The following CACNG8 variants were observed in gnomAD, a reference collection of about 807,000 sequenced individuals.
CACNG8 encodes the protein voltage-dependent calcium channel gamma-8 subunit.
In CACNG8, 5 loss-of-function variants were observed where a neutral mutation model predicts 26.9. That is an observed-to-expected ratio of 0.19 (90% confidence interval 0.10 to 0.39). The LOEUF (loss-of-function observed/expected upper bound fraction) is 0.39, where lower values mean the gene tolerates loss of function less well. Among genes scored for constraint, CACNG8 ranks in the 10% least tolerant of loss-of-function variants. The pLI is 1.00. For synonymous variants in CACNG8, 321 were observed against 296.7 expected, an observed-to-expected ratio of 1.08 and a Z score of -0.84; for missense variants, 473 against 609.4, an observed-to-expected ratio of 0.78 and a Z score of 2.36.
Position 53,986,754 on chromosome 19 carries a change from CTT to C in CACNG8, c.*3907_*3908del, listed in dbSNP as rs949462131. ...TAACAGAATGACAGAGCAAGGATGA[CTT>C]TAGATGAGGTCCTTGGAGTAGACCT... On this transcript the variant is annotated 3_prime_UTR_variant, in exon 4 of 4. Coordinates refer to ENST00000270458, the MANE Select transcript of CACNG8 (RefSeq NM_031895.6). 4.6e-5 allele frequency: 7 copies of C among 152,298 alleles called. No individual in the cohort carries two copies. Among genetic ancestry groups the C allele is most frequent in the African/African-American group, 1.7e-4 (7 of 41,446 alleles). The allele number at this position is 152,298 out of a possible 1,614,324, so 9.4% of individuals were successfully genotyped here.
At chr19:53,972,927 A>G (rs1194567830) in intron 1 of CACNG8, among the ~76,000 whole-genome samples, 1 of 151,818 alleles carries the variant, frequency 6.6e-6, no homozygotes, top group Non-Finnish European at 1.5e-5. Context: ...CCCATCACTC[A>G]CCCCCAATAG....
chr19:53,986,316 C>T lies in CACNG8; in HGVS notation c.*3467C>T, dbSNP rs2069407824. The stretch of plus-strand genomic sequence containing the variant: ...TCAAGAAATATTTATTGAGTGCCAA[C>T]CTGTTCTAGACCCAATCTCGGCCAG... On this transcript the variant is annotated 3_prime_UTR_variant, in exon 4 of 4. Coordinates refer to ENST00000270458, the MANE Select transcript of CACNG8 (RefSeq NM_031895.6). The T allele has an allele frequency of 6.6e-6, 1 of 152,488 alleles. No individual in the cohort carries two copies. The highest frequency in any genetic ancestry group is 1.5e-5 in the Non-Finnish European group (1 of 68,078). 9.4% of individuals were successfully genotyped at this position (152,488 alleles called of 1,614,324 possible). A position where few individuals can be genotyped will look rare whatever the true frequency, so the allele number is the denominator to read the frequency against.
chr19:53,975,897 C>T (rs771916940), intron 1 of CACNG8, among the ~76,000 whole-genome samples: 10 of 152,142 alleles, frequency 6.6e-5, no homozygotes, highest in Non-Finnish European at 8.8e-5. Context: ...TGCTATCAAC[C>T]GAGTACTTAA....
chr19:53,976,596 C>T (rs189301369), intron 1 of CACNG8, among the ~76,000 whole-genome samples: 1 of 152,342 alleles, frequency 6.6e-6, no homozygotes, highest in Admixed American at 6.5e-5. Context: ...TGCCTGTGAT[C>T]TCACCTTCTG....
chr19:53,976,893 G>T (rs747157747), intron 1 of CACNG8, among the ~76,000 whole-genome samples: 9 of 152,162 alleles, frequency 5.9e-5, no homozygotes, highest in Non-Finnish European at 1.2e-4. Context: ...GGCTGGTCTT[G>T]AACTCCCGAC....
At chr19:53,978,401 G>A (rs1428246107) in intron 2 of CACNG8, among the ~76,000 whole-genome samples, 172 bp downstream of exon 2, 1 of 152,130 alleles carries the variant, frequency 6.6e-6, no homozygotes, top group Non-Finnish European at 1.5e-5. Flanking sequence ...GTCCCCGATT[G>A]GCTGACTGAT....
At position 53,987,593 on chromosome 19, in the gene CACNG8, G is replaced by A. The variant is rs1244542762; in HGVS notation, c.*4744G>A. 6.6e-6 allele frequency: 1 copy of A among 152,358 alleles called. No homozygotes were observed. Among genetic ancestry groups the A allele is most frequent in the East Asian group, 1.9e-4 (1 of 5,174 alleles). 9.4% of individuals were successfully genotyped at this position (152,358 alleles called of 1,614,324 possible). ...GTGGTGAACTGGATGTCATAGAGGA[G>A]GGAAGGAAAAGGAACCAGGAAGAGA... On this transcript the variant is annotated 3_prime_UTR_variant, in exon 4 of 4. Transcript: ENST00000270458.
At chr19:53,978,109 G>T (rs768414260) in intron 1 of CACNG8, 37 bp from the exon 2 acceptor site, 6 of 1,389,544 alleles carry the variant, frequency 4.3e-6, no homozygotes, top group African/African-American at 2.8e-5. Context: ...CAACCCTGAA[G>T]TATCCGCCCC....
intron 2 of CACNG8, among the ~76,000 whole-genome samples, chr19:53,978,438 T>C (rs1233397764): frequency 6.6e-6 from 1 of 152,098 alleles, no homozygotes; most frequent in Non-Finnish European, 1.5e-5. Flanking sequence ...CCTCTCACCT[T>C]GGGGCGGGCT....
Position 53,982,129 on chromosome 19 carries a change from C to A in CACNG8, c.558C>A (p.Gly186=). Residue 186 remains glycine, a synonymous_variant, in exon 4 of 4, where the codon GGC becomes GGA. Coordinates refer to ENST00000270458, the MANE Select transcript of CACNG8 (RefSeq NM_031895.6). This position sits in a 1 kb window ranked among gnomAD's most constrained non-coding sequence, Gnocchi z 8.4. ...TCGTGTACATCTCCGCCAACGCGGG[C>A]GAGCCGGGCCCGAAGCGGGACGAGG... 2 of 1,609,328 alleles carry A rather than the reference C, an allele frequency of 1.2e-6. No individual in the cohort carries two copies. The highest frequency in any genetic ancestry group is 1.1e-5 in the South Asian group (1 of 90,414).
rs746550882 is a variant in CACNG8 at position 53,963,332 on chromosome 19, G to T, written c.190G>T (p.Gly64Trp). The T allele has an allele frequency of 5.0e-6, 8 of 1,599,692 alleles. No individual in the cohort carries two copies. Among genetic ancestry groups the T allele is most frequent in the African/African-American group, 2.7e-5 (2 of 74,154 alleles). ...CAACCTCACGGCCGGCGGCGACGAC[G>T]GGACCCCCCACCGCGGGGGCGGCGG... The change falls in exon 1 of 4, where the codon GGG (glycine) becomes TGG (tryptophan). Residue 64 changes from glycine to tryptophan, a missense_variant. Transcript: ENST00000270458.
Position 53,963,338 on chromosome 19 carries a change from C to A in CACNG8, c.196C>A (p.Pro66Thr). The A allele has an allele frequency of 6.3e-7, 1 of 1,598,986 alleles. No homozygotes were observed. The highest frequency in any genetic ancestry group is 8.5e-7 in the Non-Finnish European group (1 of 1,177,010). Residue 66 changes from proline to threonine, a missense_variant, in exon 1 of 4, where the codon CCC (proline) becomes ACC (threonine). Around this residue, in one of 6 missense-constraint regions of CACNG8, gnomAD observed 69 missense variants for 66.7 expected, o/e 1.03. Transcript: ENST00000270458. ...CACGGCCGGCGGCGACGACGGGACCCCCCACCGCGGGGGCGGCGGCGCCTC... is the reference window on the plus strand; with the variant it reads ...CACGGCCGGCGGCGACGACGGGACCACCCACCGCGGGGGCGGCGGCGCCTC...
At chr19:53,980,257 GC>G (rs1443125051) in intron 3 of CACNG8, among the ~76,000 whole-genome samples, 3 of 152,216 alleles carry the variant, frequency 2.0e-5, no homozygotes. Context: ...ACCGACACAG[GC>G]AGGTGTCTGG....
chr19:53,982,174 G>T lies in CACNG8; in HGVS notation c.603G>T (p.Ser201=), dbSNP rs1307407930. 1.2e-6 allele frequency: 2 copies of T among 1,613,246 alleles called. No homozygotes were observed. Among genetic ancestry groups the T allele is most frequent in the Non-Finnish European group, 1.7e-6 (2 of 1,179,706 alleles). ...ACGAGGAGAAGAAAAACCACTACTC[G>T]TACGGCTGGTCCTTCTACTTCGGCG... The change falls in exon 4 of 4, where the codon TCG becomes TCT. Residue 201 remains serine, a synonymous_variant. Transcript: ENST00000270458. The surrounding 1 kb of genome is among the most constrained non-coding windows in gnomAD (Gnocchi z 8.4).
chr19:53,978,274 G>C, intron 2 of CACNG8, 45 bp downstream of exon 2: 2 of 1,536,720 alleles, frequency 1.3e-6, no homozygotes, highest in African/African-American at 1.4e-5. Context: ...GTCAAATCGC[G>C]GGGCCTGGAA....
In CACNG8 at chr19:53,978,927, G is replaced by T. The variant is rs568442688; in HGVS notation, c.367+698G>T. ...GAGTGAAGAGAAGAGAAACCTGGAA[G>T]ATTGAAGAAACCAGGCAGAAAAGGA... On this transcript the variant is annotated intron_variant, in intron 2 of 3. Transcript: ENST00000270458. 2.9e-5 allele frequency among the ~76,000 whole-genome samples: 4 copies of T among 137,056 alleles called. No individual in the cohort carries two copies. The South Asian group carries it at 9.9e-4, about 34-fold the overall frequency. The allele number at this position is 137,056 out of a possible 152,430, so 89.9% of individuals were successfully genotyped here.
chr19:53,966,268 A>G (rs1331986000), intron 1 of CACNG8, among the ~76,000 whole-genome samples: 1 of 151,192 alleles, frequency 6.6e-6, no homozygotes, highest in African/African-American at 2.4e-5. Flanking sequence ...TTGTATTTTT[A>G]GTAGAGACAG....
chr19:53,978,959 A>G (rs535737400), intron 2 of CACNG8, among the ~76,000 whole-genome samples: 1 of 122,578 alleles, frequency 8.2e-6, no homozygotes, highest in South Asian at 3.0e-4. Context: ...AGGAGGGGAG[A>G]GAGAGACCCA....
intron 2 of CACNG8, 78 bp from the exon 3 acceptor site, chr19:53,979,789 G>A: frequency 6.9e-7 from 1 of 1,454,648 alleles, no homozygotes; most frequent in Non-Finnish European, 9.2e-7. Context: ...GCGAGATGGG[G>A]GGCCGGGAAG....
Sources: allele counts gnomAD v4.1 joint callset (sites outside exome capture counted in the v4.1 genomes callset), GRCh38; gene constraint gnomAD v4.1.1; regional missense constraint gnomAD v4.1.1; non-coding constraint Gnocchi (gnomAD v3.1); transcripts MANE v1.5; gene names NCBI Gene and HGNC (gene_info 2026-07-23, HGNC 2026-07-21).